The following DCC variants were observed in gnomAD, a reference collection of about 807,000 sequenced individuals.
DCC encodes the protein netrin receptor DCC.
In DCC, 58 loss-of-function variants were observed where a neutral mutation model predicts 172.5. The ratio of observed to expected loss-of-function variants is 0.34; its 90% CI spans 0.27 to 0.42. The LOEUF (loss-of-function observed/expected upper bound fraction) is 0.42, where lower values mean the gene tolerates loss of function less well. DCC is among the 10% of genes least tolerant of loss of function. The pLI, the probability that DCC is intolerant of heterozygous loss-of-function variation, is 1.00. For synonymous variants in DCC, 709 were observed against 644.5 expected, an observed-to-expected ratio of 1.10 and a Z score of -1.52; for missense variants, 1,740 against 1,791.0, an observed-to-expected ratio of 0.97 and a Z score of 0.51.
intron 1 of DCC, among the ~76,000 whole-genome samples, chr18:52,483,114 C>T (rs576267928): frequency 1.2e-4 from 18 of 152,246 alleles, no homozygotes; most frequent in Non-Finnish European, 2.2e-4. Flanking sequence ...GCTCCCTCTT[C>T]ATATGGCCTT....
intron 1 of DCC, among the ~76,000 whole-genome samples, chr18:52,709,383 A>G (rs184281201): frequency 1.6e-4 from 24 of 152,338 alleles, no homozygotes; most frequent in African/African-American, 5.5e-4. Flanking sequence ...AAATTAGAAC[A>G]CATTAGGATA....
intron 1 of DCC, among the ~76,000 whole-genome samples, chr18:52,522,756 T>G (rs2031860736): frequency 6.6e-6 from 1 of 152,208 alleles, no homozygotes; most frequent in Admixed American, 6.5e-5. Flanking sequence ...TATGTTTGTA[T>G]ATTTATCCAG....
At chr18:52,580,696 A>G (rs1302941160) in intron 1 of DCC, among the ~76,000 whole-genome samples, 1 of 152,208 alleles carries the variant, frequency 6.6e-6, no homozygotes, top group East Asian at 1.9e-4. Context: ...GGATGCGCAC[A>G]CCAGCTAGAG....
At chr18:53,363,772 T>C (rs141667493) in intron 15 of DCC, among the ~76,000 whole-genome samples, 9 of 152,312 alleles carry the variant, frequency 5.9e-5, no homozygotes, top group Non-Finnish European at 1.2e-4. Context: ...AGTAGTGACT[T>C]GTACCACAAC....
At chr18:52,389,871 T>C (rs1985962893) in intron 1 of DCC, among the ~76,000 whole-genome samples, 1 of 152,076 alleles carries the variant, frequency 6.6e-6, no homozygotes, top group African/African-American at 2.4e-5. Context: ...TGTTGATTGA[T>C]TCAATGAATA....
chr18:52,986,061 G>T (rs1342229113), intron 5 of DCC, among the ~76,000 whole-genome samples: 1 of 152,086 alleles, frequency 6.6e-6, no homozygotes, highest in Non-Finnish European at 1.5e-5. Context: ...TCATTCATAT[G>T]TATGAAATAG....
intron 23 of DCC, among the ~76,000 whole-genome samples, chr18:53,453,100 A>G (rs1369976607): frequency 1.3e-5 from 2 of 152,044 alleles, no homozygotes; most frequent in Non-Finnish European, 2.9e-5. Context: ...AATTTTTAGT[A>G]GAGACAGGGT....
intron 1 of DCC, among the ~76,000 whole-genome samples, chr18:52,687,714 A>G (rs1301122117): frequency 6.6e-6 from 1 of 152,176 alleles, no homozygotes; most frequent in Non-Finnish European, 1.5e-5. Context: ...TTAAAACTCA[A>G]AGCCAAATAT....
Position 52,941,317 on chromosome 18 carries a change from T to C in DCC, c.985+15947T>C, listed in dbSNP as rs145155645. 5.1e-3 allele frequency among the ~76,000 whole-genome samples: 771 copies of C among 152,096 alleles called. 6 individuals carry two copies. The highest frequency in any genetic ancestry group is 0.018 in the African/African-American group (738 of 41,516). On this transcript the variant is annotated intron_variant, in intron 5 of 28. Coordinates refer to ENST00000442544, the MANE Select transcript of DCC (RefSeq NM_005215.4). ...TTATGGAAGATGAGATTCCAAATGG[T>C]TTATAAAAGGGAAGCTGTAGATTAT...
chr18:53,377,785 T>C (rs1235874114), intron 15 of DCC, among the ~76,000 whole-genome samples: 1 of 152,210 alleles, frequency 6.6e-6, no homozygotes, highest in East Asian at 1.9e-4. Flanking sequence ...GCTGTTATTA[T>C]TGTCTTCAAG....
At chr18:53,055,767 G>T (rs1243018406) in intron 5 of DCC, among the ~76,000 whole-genome samples, 1 of 152,116 alleles carries the variant, frequency 6.6e-6, no homozygotes, top group African/African-American at 2.4e-5. Context: ...CAAGTCACTT[G>T]TCACGTAAGA....
chr18:53,306,562 A>G (rs2057202725), intron 13 of DCC, among the ~76,000 whole-genome samples: 2 of 152,310 alleles, frequency 1.3e-5, no homozygotes, highest in Non-Finnish European at 2.9e-5. Flanking sequence ...CTCACAGTCC[A>G]TGGATAGAAG....
At chr18:52,458,477 C>A (rs1568179238) in intron 1 of DCC, among the ~76,000 whole-genome samples, 1 of 152,176 alleles carries the variant, frequency 6.6e-6, no homozygotes, top group Non-Finnish European at 1.5e-5. Flanking sequence ...GTTATCAAAA[C>A]ATAAATTTCT....
At chr18:52,818,829 T>C (rs180835881) in intron 2 of DCC, among the ~76,000 whole-genome samples, 15 of 152,278 alleles carry the variant, frequency 9.9e-5, no homozygotes, top group African/African-American at 3.6e-4. Context: ...TTTGGTGCAA[T>C]AAAGAATCAT....
chr18:52,388,976 G>A (rs1445483077), intron 1 of DCC, among the ~76,000 whole-genome samples: 3 of 152,116 alleles, frequency 2.0e-5, no homozygotes, highest in Admixed American at 1.3e-4. Context: ...ACCGAGGATA[G>A]CCATTCATCA....
intron 7 of DCC, among the ~76,000 whole-genome samples, chr18:53,114,256 C>A (rs573903563): frequency 6.6e-6 from 1 of 151,146 alleles, no homozygotes; most frequent in African/African-American, 2.4e-5. Context: ...GAACACCCCC[C>A]CCACCCCAAG....
chr18:52,393,656 CA>C (rs1986112229), intron 1 of DCC, among the ~76,000 whole-genome samples: 2 of 152,020 alleles, frequency 1.3e-5, no homozygotes, highest in Admixed American at 1.3e-4. Flanking sequence ...GCCCAGGGAT[CA>C]ATGTTTTGAC....
chr18:53,480,956 A>G (rs1403604102), intron 25 of DCC: 1 of 152,094 alleles, frequency 6.6e-6, no homozygotes, highest in African/African-American at 2.4e-5. Flanking sequence ...CAGTGTCTTG[A>G]GCTGAGGGTC....
chr18:53,109,780 A>T (rs1277031471), intron 7 of DCC, among the ~76,000 whole-genome samples: 1 of 151,606 alleles, frequency 6.6e-6, no homozygotes. Flanking sequence ...ACTTATTTTT[A>T]AATGTTGTCC....
Sources: allele counts gnomAD v4.1 joint callset (sites outside exome capture counted in the v4.1 genomes callset), GRCh38; gene constraint gnomAD v4.1.1; transcripts MANE v1.5; gene names NCBI Gene and HGNC (gene_info 2026-07-23, HGNC 2026-07-21).